CTNND2: variants seen among roughly 807,000 people sequenced by gnomAD.
The protein encoded by CTNND2 is catenin delta-2.
Under a neutral mutation model 144.4 loss-of-function variants are expected in CTNND2, and 22 were observed. The observed-to-expected ratio is 0.15, with a 90% confidence interval of 0.11 to 0.22. The LOEUF (loss-of-function observed/expected upper bound fraction) is 0.22, where lower values mean the gene tolerates loss of function less well. Among genes scored for constraint, CTNND2 ranks in the 10% least tolerant of loss-of-function variants. The pLI is 1.00. For synonymous variants in CTNND2, 751 were observed against 695.6 expected (o/e 1.08, Z -1.25); for missense variants, 1,353 against 1,618.8 (o/e 0.84, Z 2.82).
chr5:11,611,147 C>T (rs183647566), intron 2 of CTNND2, among the ~76,000 whole-genome samples: 2 of 152,198 alleles, frequency 1.3e-5, no homozygotes, highest in Non-Finnish European at 2.9e-5. Flanking sequence ...TTATAAGGGG[C>T]TCTTCCCCCT....
chr5:11,199,430 T>C lies in CTNND2; in HGVS notation c.1975+18A>G. ...TTTATCTTGAGATATAATATAATAA[T>C]TTAATAATGATTCTAACCTGTGACC... is the stretch of plus-strand genomic sequence containing the variant. On this transcript the variant is annotated intron_variant, in intron 11 of 21. Coordinates refer to ENST00000304623, the MANE Select transcript of CTNND2 (RefSeq NM_001332.4). The C allele has an allele frequency of 6.2e-7, 1 of 1,602,614 alleles. No individual in the cohort carries two copies. Among genetic ancestry groups the C allele is most frequent in the Middle Eastern group, 1.8e-4 (1 of 5,622 alleles).
intron 2 of CTNND2, among the ~76,000 whole-genome samples, chr5:11,602,585 A>G (rs1253665089): frequency 6.6e-6 from 1 of 150,824 alleles, no homozygotes; most frequent in East Asian, 1.9e-4. Context: ...TACAATATTC[A>G]TGTTCGAAAA....
chr5:11,160,397 C>A (rs1034482460), intron 11 of CTNND2, among the ~76,000 whole-genome samples: 1 of 152,180 alleles, frequency 6.6e-6, no homozygotes, highest in Non-Finnish European at 1.5e-5. Context: ...AAGAAGAGGG[C>A]ATGTCCACAA....
chr5:11,763,603 A>G (rs2126809728), intron 1 of CTNND2, among the ~76,000 whole-genome samples: 1 of 152,344 alleles, frequency 6.6e-6, no homozygotes, highest in Non-Finnish European at 1.5e-5. Flanking sequence ...TTCCAAAGTA[A>G]GTAATAGAGA....
At chr5:11,635,288 C>T (rs960483368) in intron 2 of CTNND2, among the ~76,000 whole-genome samples, 4 of 151,980 alleles carry the variant, frequency 2.6e-5, no homozygotes, top group African/African-American at 7.3e-5. Context: ...AAGAAGAAGG[C>T]ATCACCCATA....
intron 3 of CTNND2, among the ~76,000 whole-genome samples, chr5:11,534,650 T>C (rs754577948): frequency 1.8e-4 from 28 of 152,054 alleles, no homozygotes; most frequent in Admixed American, 2.6e-4. Context: ...GGTGATTCTA[T>C]GCGCTGAGAC....
chr5:11,311,622 C>T (rs1408682687), intron 9 of CTNND2, among the ~76,000 whole-genome samples: 1 of 149,098 alleles, frequency 6.7e-6, no homozygotes, highest in African/African-American at 2.5e-5. Context: ...CCCCATGCAC[C>T]CTCACCCCAC....
chr5:11,315,038 T>C (rs1751350755), intron 9 of CTNND2, among the ~76,000 whole-genome samples: 1 of 152,244 alleles, frequency 6.6e-6, no homozygotes, highest in Non-Finnish European at 1.5e-5. Context: ...TTTAATTTGC[T>C]ATCAAAAATA....
At chr5:11,403,685 T>G (rs1263740753) in intron 5 of CTNND2, among the ~76,000 whole-genome samples, 2 of 152,246 alleles carry the variant, frequency 1.3e-5, no homozygotes, top group East Asian at 3.8e-4. Context: ...ATAAATAGTT[T>G]AAAGAGGATC....
intron 11 of CTNND2, among the ~76,000 whole-genome samples, chr5:11,161,433 T>C (rs1250535095): frequency 6.6e-6 from 1 of 152,198 alleles, no homozygotes; most frequent in African/African-American, 2.4e-5. Context: ...TTGGACTGAT[T>C]TGAAATACTA....
intron 11 of CTNND2, among the ~76,000 whole-genome samples, chr5:11,179,487 T>C (rs1560978155): frequency 6.6e-6 from 1 of 152,182 alleles, no homozygotes; most frequent in African/African-American, 2.4e-5. Context: ...CCCAAAGTGC[T>C]GGGATTACAG....
intron 11 of CTNND2, among the ~76,000 whole-genome samples, chr5:11,192,968 C>T (rs1736463128): frequency 6.6e-6 from 1 of 152,298 alleles, no homozygotes; most frequent in Non-Finnish European, 1.5e-5. Context: ...CAATGACTTG[C>T]TTGCTACATT....
chr5:11,819,182 C>T (rs1793178512), intron 1 of CTNND2, among the ~76,000 whole-genome samples: 1 of 152,148 alleles, frequency 6.6e-6, no homozygotes, highest in Admixed American at 6.6e-5. Context: ...CACTGTAATC[C>T]CAGCACTTTG....
chr5:11,694,858 A>T (rs189524745), intron 2 of CTNND2, among the ~76,000 whole-genome samples: 55 of 152,350 alleles, frequency 3.6e-4, no homozygotes, highest in African/African-American at 1.3e-3. Context: ...AAATGAACAT[A>T]TGCTTTGAGG....
At chr5:11,242,554 G>A (rs1165936521) in intron 9 of CTNND2, among the ~76,000 whole-genome samples, 1 of 152,212 alleles carries the variant, frequency 6.6e-6, no homozygotes, top group Non-Finnish European at 1.5e-5. Flanking sequence ...AGGCGCTGCT[G>A]GCATCCAGTG....
At chr5:11,046,128 C>T (rs888335664) in intron 16 of CTNND2, among the ~76,000 whole-genome samples, 6 of 152,140 alleles carry the variant, frequency 3.9e-5, no homozygotes, top group Non-Finnish European at 8.8e-5. Context: ...TCCTAACCCC[C>T]AGTCCCTCAG....
At chr5:11,101,607 G>A (rs1034332666) in intron 14 of CTNND2, among the ~76,000 whole-genome samples, 3 of 152,194 alleles carry the variant, frequency 2.0e-5, no homozygotes, top group Non-Finnish European at 2.9e-5. Flanking sequence ...AATTGAAGCA[G>A]TGACCACACA....
At chr5:11,140,446 G>A (rs1381787312) in intron 12 of CTNND2, among the ~76,000 whole-genome samples, 1 of 152,182 alleles carries the variant, frequency 6.6e-6, no homozygotes, top group Admixed American at 6.5e-5. Context: ...ACATTCAAAC[G>A]ATTGTTTTTG....
chr5:11,585,484 A>ATCTATATC (rs143081845), intron 2 of CTNND2, among the ~76,000 whole-genome samples: 3 of 150,088 alleles, frequency 2.0e-5, no homozygotes, highest in East Asian at 2.0e-4. Context: ...TTATCTATGT[A>ATCTATATC]TATCTATCTA....
Sources: allele counts gnomAD v4.1 joint callset (sites outside exome capture counted in the v4.1 genomes callset), GRCh38; gene constraint gnomAD v4.1.1; transcripts MANE v1.5; gene names NCBI Gene and HGNC (gene_info 2026-07-23, HGNC 2026-07-21).